ZFYVE9: variants seen among roughly 807,000 people sequenced by gnomAD.
ZFYVE9 encodes the protein zinc finger FYVE-type containing 9.
Under a neutral mutation model 126.7 loss-of-function variants are expected in ZFYVE9, and 43 were observed. That is an observed-to-expected ratio of 0.34 (90% CI 0.27 to 0.44). ZFYVE9 has a LOEUF of 0.44. Among genes scored for constraint, ZFYVE9 ranks in the 20% least tolerant of loss-of-function variants. The probability of loss-of-function intolerance (pLI) is 1.00; values close to 1 mark genes in which losing one functional copy is unlikely to be tolerated. For missense variants in ZFYVE9, 1,476 were observed against 1,697.0 expected (o/e 0.87, Z 2.29); for synonymous variants, 521 against 597.4 (o/e 0.87, Z 1.87).
chr1:52,144,714 A>AT (rs1203860233), intron 1 of ZFYVE9, among the ~76,000 whole-genome samples: 3 of 150,956 alleles, frequency 2.0e-5, no homozygotes, highest in African/African-American at 7.3e-5. Flanking sequence ...GAAAAGTGAT[A>AT]TTTTGAGGGA....
At chr1:52,269,241 T>A (rs1236405455) in intron 7 of ZFYVE9, among the ~76,000 whole-genome samples, 1 of 152,132 alleles carries the variant, frequency 6.6e-6, no homozygotes, top group Non-Finnish European at 1.5e-5. Context: ...GCAATTCTCC[T>A]GCCTCAGCCT....
chr1:52,147,058 A>C (rs920364078), intron 1 of ZFYVE9, among the ~76,000 whole-genome samples: 1 of 152,182 alleles, frequency 6.6e-6, no homozygotes, highest in African/African-American at 2.4e-5. Context: ...CAAAATTATT[A>C]AAAATAGTGT....
chr1:52,205,512 C>T (rs1439702109), intron 1 of ZFYVE9, among the ~76,000 whole-genome samples: 1 of 151,626 alleles, frequency 6.6e-6, no homozygotes, highest in African/African-American at 2.4e-5. Context: ...TACAAGTGTG[C>T]ACCACCATGC....
intron 1 of ZFYVE9, among the ~76,000 whole-genome samples, chr1:52,168,956 A>G (rs983543174): frequency 6.6e-6 from 1 of 152,024 alleles, no homozygotes; most frequent in African/African-American, 2.4e-5. Flanking sequence ...CTCCTTTCCT[A>G]TCATCTGCTA....
At chr1:52,182,667 A>T (rs375872009) in intron 1 of ZFYVE9, among the ~76,000 whole-genome samples, 1 of 152,176 alleles carries the variant, frequency 6.6e-6, no homozygotes, top group African/African-American at 2.4e-5. Flanking sequence ...TTCACTTGTT[A>T]ATCTGCTGAC....
chr1:52,291,947 A>G (rs868711172), intron 10 of ZFYVE9, among the ~76,000 whole-genome samples: 3 of 151,612 alleles, frequency 2.0e-5, no homozygotes, highest in African/African-American at 4.8e-5. Flanking sequence ...GCCCTAAATT[A>G]TAGAGCTATG....
intron 13 of ZFYVE9, among the ~76,000 whole-genome samples, chr1:52,306,587 G>T (rs966797120): frequency 1.3e-5 from 2 of 152,248 alleles, no homozygotes; most frequent in African/African-American, 2.4e-5. Context: ...GCTGAAACAT[G>T]CCCCTTGCTT....
chr1:52,189,374 T>C (rs946737955), intron 1 of ZFYVE9, among the ~76,000 whole-genome samples: 3 of 152,048 alleles, frequency 2.0e-5, no homozygotes, highest in Non-Finnish European at 4.4e-5. Flanking sequence ...GTAGCTGGGA[T>C]TACAGTCGTG....
intron 15 of ZFYVE9, among the ~76,000 whole-genome samples, 162 bp from the exon 16 acceptor site, chr1:52,337,610 C>G (rs1395878359): frequency 6.6e-6 from 1 of 152,244 alleles, no homozygotes; most frequent in Non-Finnish European, 1.5e-5. Flanking sequence ...GGCATTGCTT[C>G]TCACAACACT....
intron 4 of ZFYVE9, among the ~76,000 whole-genome samples, chr1:52,258,533 T>A (rs1645545631): frequency 6.6e-6 from 1 of 152,210 alleles, no homozygotes; most frequent in Non-Finnish European, 1.5e-5. Context: ...GTGCCCCTGT[T>A]GAGAAGCACT....
At chr1:52,316,645 TACA>T (rs1430406049) in intron 13 of ZFYVE9, among the ~76,000 whole-genome samples, 2 of 152,266 alleles carry the variant, frequency 1.3e-5, no homozygotes, top group East Asian at 3.9e-4. Flanking sequence ...ATCAAAATGA[TACA>T]ACAATTTCAA....
At chr1:52,339,264 A>G (rs2147875685) in intron 16 of ZFYVE9, among the ~76,000 whole-genome samples, 1 of 152,282 alleles carries the variant, frequency 6.6e-6, no homozygotes, top group Admixed American at 6.5e-5. Context: ...TAGCACTGTC[A>G]TAATTAGCAA....
intron 1 of ZFYVE9, among the ~76,000 whole-genome samples, chr1:52,178,841 T>C (rs572502331): frequency 6.6e-6 from 1 of 152,286 alleles, no homozygotes; most frequent in East Asian, 1.9e-4. Context: ...AGTCTCGCTC[T>C]GTTACCCAGG....
At chr1:52,198,372 CAGG>C (rs1644885211) in intron 1 of ZFYVE9, among the ~76,000 whole-genome samples, 1 of 151,974 alleles carries the variant, frequency 6.6e-6, no homozygotes, top group African/African-American at 2.4e-5. Flanking sequence ...ACCTCCCTTA[CAGG>C]CATGGGCTAC....
intron 1 of ZFYVE9, among the ~76,000 whole-genome samples, chr1:52,189,552 T>C (rs1644798028): frequency 6.6e-6 from 1 of 152,128 alleles, no homozygotes; most frequent in South Asian, 2.1e-4. Flanking sequence ...TGTTGATTTT[T>C]AGTAGAGATG....
chr1:52,331,124 C>T (rs1195676741), intron 13 of ZFYVE9, among the ~76,000 whole-genome samples: 1 of 152,108 alleles, frequency 6.6e-6, no homozygotes, highest in Admixed American at 6.6e-5. Flanking sequence ...CCACCTCGGC[C>T]TCCTAAAGTG....
intron 10 of ZFYVE9, among the ~76,000 whole-genome samples, chr1:52,289,281 CAG>C (rs1303314544): frequency 2.0e-5 from 3 of 152,128 alleles, no homozygotes. Context: ...CTCGTCTTTT[CAG>C]AGTTACTTCA....
At chr1:52,265,584 A>AT (rs1385228527) in intron 5 of ZFYVE9, among the ~76,000 whole-genome samples, 1 of 152,176 alleles carries the variant, frequency 6.6e-6, no homozygotes, top group Non-Finnish European at 1.5e-5. Flanking sequence ...GGTACACAGA[A>AT]TCTTAATGTA....
intron 8 of ZFYVE9, 138 bp downstream of exon 8, chr1:52,274,722 T>C (rs2147809734): frequency 2.2e-6 from 2 of 918,798 alleles, no homozygotes; most frequent in South Asian, 3.4e-5. Flanking sequence ...ACTATGAAAA[T>C]GGTTGTTGCT....
Sources: allele counts gnomAD v4.1 joint callset (sites outside exome capture counted in the v4.1 genomes callset), GRCh38; gene constraint gnomAD v4.1.1; transcripts MANE v1.5; gene names NCBI Gene and HGNC (gene_info 2026-07-23, HGNC 2026-07-21).